Variants in GRIN2B observed in about 807,000 individuals in gnomAD.
The protein encoded by GRIN2B is glutamate receptor ionotropic, NMDA 2B.
GRIN2B carries 5 observed loss-of-function variants against 114.5 expected under a neutral mutation model. That is an observed-to-expected ratio of 0.04 (90% confidence interval 0.02 to 0.09). GRIN2B has a LOEUF of 0.09. Ranked by LOEUF, GRIN2B falls within the 10% of genes least tolerant of loss-of-function variation. The pLI, the probability that GRIN2B is intolerant of heterozygous loss-of-function variation, is 1.00. For synonymous variants in GRIN2B, 787 were observed against 745.1 expected (o/e 1.06, Z -0.92); for missense variants, 1,108 against 1,943.5 (o/e 0.57, Z 8.08).
At chr12:13,871,791 G>A (rs532027297) in intron 2 of GRIN2B, among the ~76,000 whole-genome samples, 12 of 151,278 alleles carry the variant, frequency 7.9e-5, no homozygotes, top group Non-Finnish European at 1.6e-4. Flanking sequence ...TTGAAATAAT[G>A]AATATTATGA....
chr12:13,818,984 A>G (rs1314739448), intron 3 of GRIN2B, among the ~76,000 whole-genome samples: 1 of 152,230 alleles, frequency 6.6e-6, no homozygotes, highest in African/African-American at 2.4e-5. Flanking sequence ...TATAAGCTCA[A>G]CTGTGTCCCT....
In GRIN2B at chr12:13,558,743, T is replaced by A. The variant is rs543620047; in HGVS notation, c.*4040A>T. 6.6e-5 allele frequency: 10 copies of A among 152,350 alleles called. No individual in the cohort carries two copies. In the East Asian group the frequency reaches 1.2e-3, roughly 18 times the overall value. 9.4% of individuals were successfully genotyped at this position (152,350 alleles called of 1,614,324 possible). On this transcript the variant is annotated 3_prime_UTR_variant, in exon 14 of 14. Coordinates refer to ENST00000609686, the MANE Select transcript of GRIN2B (RefSeq NM_000834.5). ...TGTGGCCAGTGCAGGGAAATACATA[T>A]GAAGGATGTTTCCCAAGTTCTGGCT...
At chr12:13,700,839 AT>A (rs1950305200) in intron 4 of GRIN2B, among the ~76,000 whole-genome samples, 1 of 152,240 alleles carries the variant, frequency 6.6e-6, no homozygotes, top group Non-Finnish European at 1.5e-5. Context: ...AAAATCCACA[AT>A]GGAAACTGTG....
intron 5 of GRIN2B, among the ~76,000 whole-genome samples, chr12:13,675,373 T>G (rs753113524): frequency 2.0e-5 from 3 of 152,088 alleles, no homozygotes; most frequent in Admixed American, 6.6e-5. Flanking sequence ...TTCTCATAAA[T>G]TCATCTTTAT....
chr12:13,935,047 G>C (rs763760503), intron 2 of GRIN2B, among the ~76,000 whole-genome samples: 2 of 152,062 alleles, frequency 1.3e-5, no homozygotes, highest in Non-Finnish European at 2.9e-5. Flanking sequence ...AGTTTTCTGA[G>C]AATAGATAGC....
intron 3 of GRIN2B, among the ~76,000 whole-genome samples, chr12:13,781,054 TA>T: frequency 6.6e-6 from 1 of 151,970 alleles, no homozygotes; most frequent in African/African-American, 2.4e-5. Flanking sequence ...GTAGAAAAAA[TA>T]AAAAAATAAC....
chr12:13,689,076 C>T (rs1209256914), intron 4 of GRIN2B, among the ~76,000 whole-genome samples: 2 of 152,142 alleles, frequency 1.3e-5, no homozygotes, highest in African/African-American at 4.8e-5. Context: ...AAATTCAAAA[C>T]AGGCTGTTTA....
chr12:13,572,028 AT>A, intron 10 of GRIN2B, 64 bp from the exon 11 acceptor site: 1 of 1,309,480 alleles, frequency 7.6e-7, no homozygotes, highest in Non-Finnish European at 1.1e-6. Context: ...GAGAAAAGTC[AT>A]TTTAGAAAAT....
chr12:13,743,040 G>A (rs769146641), intron 4 of GRIN2B, among the ~76,000 whole-genome samples: 1 of 152,152 alleles, frequency 6.6e-6, no homozygotes, highest in Non-Finnish European at 1.5e-5. Context: ...ACATGCAGCT[G>A]TCATCCCAGC....
At chr12:13,951,421 G>C (rs1387278286) in intron 2 of GRIN2B, among the ~76,000 whole-genome samples, 1 of 152,074 alleles carries the variant, frequency 6.6e-6, no homozygotes, top group African/African-American at 2.4e-5. Context: ...AAAATCCAAC[G>C]TAAAAACCAT....
intron 5 of GRIN2B, among the ~76,000 whole-genome samples, chr12:13,656,643 T>C (rs1363142460): frequency 6.6e-6 from 1 of 152,204 alleles, no homozygotes; most frequent in Non-Finnish European, 1.5e-5. Flanking sequence ...CCAAGCATCC[T>C]TCCCAGGAAG....
chr12:13,949,132 C>A (rs1867426446), intron 2 of GRIN2B, among the ~76,000 whole-genome samples: 1 of 152,140 alleles, frequency 6.6e-6, no homozygotes, highest in African/African-American at 2.4e-5. Context: ...CTAAGAGTGC[C>A]CAGAGATCCA....
intron 3 of GRIN2B, among the ~76,000 whole-genome samples, chr12:13,805,379 T>C (rs1424962998): frequency 6.6e-6 from 1 of 152,182 alleles, no homozygotes; most frequent in African/African-American, 2.4e-5. Flanking sequence ...TAGAAAAGCC[T>C]GAAGGTCAAA....
At chr12:13,872,962 A>C (rs1865934929) in intron 2 of GRIN2B, among the ~76,000 whole-genome samples, 1 of 152,192 alleles carries the variant, frequency 6.6e-6, no homozygotes, top group African/African-American at 2.4e-5. Context: ...TATCAAAATA[A>C]TAGTAAGATT....
chr12:13,687,909 T>G (rs538038234), intron 4 of GRIN2B, among the ~76,000 whole-genome samples: 2 of 152,340 alleles, frequency 1.3e-5, no homozygotes, highest in East Asian at 3.9e-4. Context: ...AGCTTTCTGA[T>G]CTATAAGTGA....
chr12:13,817,973 C>T (rs1477981327), intron 3 of GRIN2B, among the ~76,000 whole-genome samples: 1 of 152,048 alleles, frequency 6.6e-6, no homozygotes, highest in East Asian at 1.9e-4. Flanking sequence ...CAATTGTTAT[C>T]GTTTTTTTGT....
rs746372193 is a variant in GRIN2B at position 13,564,225 on chromosome 12, C to T, written c.3013G>A (p.Asp1005Asn). The change falls in exon 14 of 14, where the codon GAC becomes AAC. Residue 1005 changes from aspartate (D) to asparagine (N), a missense_variant. This residue lies in a region of GRIN2B where 140 missense variants were observed against 187.5 expected (regional missense o/e 0.75). Transcript: ENST00000609686. This position sits in a 1 kb window ranked among gnomAD's most constrained non-coding sequence, Gnocchi z 4.8. ...GTGGTGAAGGGTGGGTTGTCACAGT[C>T]GTAGAGCCCATCGATGGAGCTGGCA... Reference protein sequence around the residue: ...GSASSIDGLYDCDNPPFTTQS... With the variant: ...GSASSIDGLYNCDNPPFTTQS... 7 of 1,614,000 alleles carry T rather than the reference C, an allele frequency of 4.3e-6. No individual in the cohort carries two copies. Among genetic ancestry groups the T allele is most frequent in the East Asian group, 4.5e-5 (2 of 44,878 alleles).
At chr12:13,915,227 G>T (rs1337659314) in intron 2 of GRIN2B, among the ~76,000 whole-genome samples, 1 of 152,104 alleles carries the variant, frequency 6.6e-6, no homozygotes, top group African/African-American at 2.4e-5. Flanking sequence ...TTATCTTAGA[G>T]GTTGAAATAA....
At chr12:13,845,060 A>T (rs1482358894) in intron 3 of GRIN2B, among the ~76,000 whole-genome samples, 2 of 152,102 alleles carry the variant, frequency 1.3e-5, no homozygotes, top group Admixed American at 1.3e-4. Context: ...CTTCAAGATG[A>T]GGAGTAAAGG....
Sources: gnomAD v4.1 joint callset for allele counts (sites outside exome capture counted in the v4.1 genomes callset) on GRCh38, gnomAD v4.1.1 for gene constraint, gnomAD v4.1.1 regional missense constraint, Gnocchi (gnomAD v3.1) non-coding constraint, MANE v1.5 for transcripts, NCBI Gene and HGNC (gene_info 2026-07-23, HGNC 2026-07-21) for gene names.